UACA: variants seen among roughly 807,000 people sequenced by gnomAD.
The protein encoded by UACA is nuclear membrane binding protein.
In UACA, 112 loss-of-function variants were observed where a neutral mutation model predicts 160.5. The observed-to-expected ratio is 0.70, with a 90% confidence interval of 0.60 to 0.82. The LOEUF is 0.82. Among genes scored for constraint, UACA ranks in the 40% least tolerant of loss-of-function variants. The probability of loss-of-function intolerance (pLI) is 0.00; values close to 1 mark genes in which losing one functional copy is unlikely to be tolerated. For synonymous variants in UACA, 557 were observed against 568.4 expected (o/e 0.98, Z 0.29); for missense variants, 1,574 against 1,614.6 (o/e 0.97, Z 0.43).
intron 1 of UACA, among the ~76,000 whole-genome samples, chr15:70,720,733 A>C (rs1036165332): frequency 2.6e-5 from 4 of 152,214 alleles, no homozygotes; most frequent in Non-Finnish European, 5.9e-5. Context: ...ATTTGTGATC[A>C]AGAGGACAAA....
chr15:70,673,491 A>G (rs1039833453), intron 13 of UACA, among the ~76,000 whole-genome samples: 1 of 152,198 alleles, frequency 6.6e-6, no homozygotes, highest in African/African-American at 2.4e-5. Flanking sequence ...AAAAATACCT[A>G]TAAGCTTAGT....
chr15:70,749,957 A>G (rs1327410798), intron 1 of UACA, among the ~76,000 whole-genome samples: 1 of 152,146 alleles, frequency 6.6e-6, no homozygotes, highest in Non-Finnish European at 1.5e-5. Context: ...CGTAATTACC[A>G]TTCAATCAGG....
intron 5 of UACA, 82 bp downstream of exon 5, chr15:70,690,372 T>A (rs1398425260): frequency 8.4e-7 from 1 of 1,190,958 alleles, no homozygotes; most frequent in Non-Finnish European, 1.2e-6. Flanking sequence ...TATATAAATA[T>A]CTATGTGTTA....
At chr15:70,670,374 C>G (rs1319634732) in intron 15 of UACA, among the ~76,000 whole-genome samples, 1 of 152,120 alleles carries the variant, frequency 6.6e-6, no homozygotes, top group Admixed American at 6.6e-5. Flanking sequence ...GAAATGCAAA[C>G]CCCAAAACCA....
chr15:70,764,483 G>A (rs2030953260), upstream of UACA, among the ~76,000 whole-genome samples: 1 of 152,130 alleles, frequency 6.6e-6, no homozygotes, highest in Admixed American at 6.5e-5. Context: ...CTTCTTTGGA[G>A]TCATTTTTCC....
intron 1 of UACA, among the ~76,000 whole-genome samples, chr15:70,714,469 T>C (rs1898770720): frequency 6.6e-6 from 1 of 152,164 alleles, no homozygotes; most frequent in African/African-American, 2.4e-5. Flanking sequence ...GATTTGAAAG[T>C]ATGTAGTTTG....
chr15:70,749,267 C>T, intron 1 of UACA: 1 of 418,874 alleles, frequency 2.4e-6, no homozygotes. Context: ...TGGCTCATGC[C>T]TGTAATCCCA....
chr15:70,709,850 G>A (rs1898629443), intron 1 of UACA, among the ~76,000 whole-genome samples: 1 of 152,142 alleles, frequency 6.6e-6, no homozygotes, highest in African/African-American at 2.4e-5. Context: ...ACTAGTTTTA[G>A]CCTAAAGGTA....
At chr15:70,748,549 T>G (rs1899781421) in intron 1 of UACA, among the ~76,000 whole-genome samples, 1 of 152,116 alleles carries the variant, frequency 6.6e-6, no homozygotes, top group African/African-American at 2.4e-5. Flanking sequence ...AGGACAAATT[T>G]ATAGAGTGCA....
chr15:70,676,969 C>G lies in UACA; in HGVS notation c.1032+139G>C, dbSNP rs76682861. 4.4e-3 allele frequency: 2,898 copies of G among 651,262 alleles called. 62 individuals carry two copies. The African/African-American group carries it at 0.049, about 11-fold the overall frequency. The allele number at this position is 651,262 out of a possible 1,614,324, so 40.3% of individuals were successfully genotyped here. On this transcript the variant is annotated intron_variant, in intron 12 of 18. Coordinates refer to ENST00000322954, the MANE Select transcript of UACA (RefSeq NM_018003.4). ...ATTCAAAACATCCTTTTTTAGTCATCTATAGATTTTGAATTTCCCTTTAAT... is the reference window on the plus strand; with the variant it reads ...ATTCAAAACATCCTTTTTTAGTCATGTATAGATTTTGAATTTCCCTTTAAT...
At chr15:70,697,035 T>C (rs976084024) in intron 2 of UACA, among the ~76,000 whole-genome samples, 2 of 152,210 alleles carry the variant, frequency 1.3e-5, no homozygotes, top group African/African-American at 4.8e-5. Flanking sequence ...AATTGCTTTA[T>C]AAAAAATACT....
Position 70,676,528 on chromosome 15 carries a change from T to C in UACA, c.1096A>G (p.Ile366Val), listed in dbSNP as rs770945768. 10 of 1,612,566 alleles carry C rather than the reference T, an allele frequency of 6.2e-6. No homozygotes were observed. The highest frequency in any genetic ancestry group is 1.7e-5 in the Admixed American group (1 of 59,982). ...EKQHEESLRT[I>V]EALKNRFKYF... is the part of the protein sequence containing the mutation. ...TTAAATCTATTTTTCAGAGCCTCAA[T>C]AGTCCTTAAGCTTTCTTCATGTTGC... is the stretch of plus-strand genomic sequence containing the variant. Residue 366 changes from isoleucine to valine, a missense_variant, in exon 13 of 19, where the codon ATT (isoleucine) becomes GTT (valine). Coordinates refer to ENST00000322954, the MANE Select transcript of UACA (RefSeq NM_018003.4).
intron 16 of UACA, 106 bp downstream of exon 16, chr15:70,666,618 G>T: frequency 2.2e-6 from 2 of 898,404 alleles, no homozygotes; most frequent in Non-Finnish European, 3.1e-6. Context: ...AAACTGGAAA[G>T]GGTCACTTTG....
chr15:70,716,713 C>A (rs1898831120), intron 1 of UACA, among the ~76,000 whole-genome samples: 1 of 152,010 alleles, frequency 6.6e-6, no homozygotes, highest in Admixed American at 6.5e-5. Flanking sequence ...AAAATAGATA[C>A]AATATTAATA....
intron 1 of UACA, among the ~76,000 whole-genome samples, chr15:70,741,344 T>C (rs918602023): frequency 1.2e-4 from 19 of 152,212 alleles, no homozygotes; most frequent in Admixed American, 4.6e-4. Context: ...ACAAGGCCTA[T>C]CTACATGTGC....
chr15:70,693,516 A>G (rs886280689), intron 3 of UACA, among the ~76,000 whole-genome samples: 1 of 152,194 alleles, frequency 6.6e-6, no homozygotes, highest in Non-Finnish European at 1.5e-5. Context: ...AGACCCTTGT[A>G]TTCAATAAAG....
chr15:70,751,893 T>A (rs780995263), intron 1 of UACA, among the ~76,000 whole-genome samples: 47 of 151,048 alleles, frequency 3.1e-4, no homozygotes, highest in Non-Finnish European at 4.4e-4. Flanking sequence ...TGTTAATTTT[T>A]AAAAAAAAAC....
chr15:70,676,996 A>G, intron 12 of UACA, 112 bp downstream of exon 12: 1 of 798,170 alleles, frequency 1.3e-6, no homozygotes, highest in Non-Finnish European at 2.0e-6. Context: ...CCCTTTAATA[A>G]CCAGAAATAG....
At chr15:70,742,816 G>A (rs1899579306) in intron 1 of UACA, among the ~76,000 whole-genome samples, 3 of 152,104 alleles carry the variant, frequency 2.0e-5, no homozygotes, top group South Asian at 4.1e-4. Flanking sequence ...TGGTTGCCAA[G>A]TGGCCTTGCA....
Sources: gnomAD v4.1 joint callset for allele counts (sites outside exome capture counted in the v4.1 genomes callset) on GRCh38, gnomAD v4.1.1 for gene constraint, MANE v1.5 for transcripts, NCBI Gene and HGNC (gene_info 2026-07-23, HGNC 2026-07-21) for gene names.